The following APTX variants were observed in gnomAD, a reference collection of about 807,000 sequenced individuals.
The protein encoded by APTX is aprataxin, also known as forkhead-associated domain histidine triad-like protein.
A neutral mutation model predicts 42.3 loss-of-function variants in APTX; 33 were observed. The observed-to-expected ratio is 0.78, with a 90% CI of 0.59 to 1.04. The LOEUF is 1.04. Among genes scored for constraint, APTX ranks in the 50% least tolerant of loss-of-function variants. APTX has a pLI of 0.00. For synonymous variants in APTX, 130 were observed against 146.7 expected (o/e 0.89, Z 0.82); for missense variants, 421 against 415.1 (o/e 1.01, Z -0.12).
intron 1 of APTX, among the ~76,000 whole-genome samples, chr9:33,014,400 G>A (rs1002511685): frequency 6.6e-6 from 1 of 152,248 alleles, no homozygotes; most frequent in Non-Finnish European, 1.5e-5. Flanking sequence ...GTAGGTGGTA[G>A]AAAATGGCAG....
intron 1 of APTX, 183 bp downstream of exon 1, chr9:33,001,384 G>A: frequency 6.5e-7 from 1 of 1,531,966 alleles, no homozygotes; most frequent in Non-Finnish European, 8.7e-7. Context: ...AGACCAACGC[G>A]AGCGCCCGCT....
upstream of APTX, among the ~76,000 whole-genome samples, chr9:33,005,337 A>G (rs905158970): frequency 1.3e-5 from 2 of 151,472 alleles, no homozygotes; most frequent in African/African-American, 4.8e-5. Flanking sequence ...TCTGTCATGA[A>G]ACTTTTCCCT....
intron 4 of APTX, 107 bp downstream of exon 4, chr9:32,987,437 G>T: frequency 7.1e-7 from 1 of 1,417,920 alleles, no homozygotes; most frequent in Non-Finnish European, 9.9e-7. Context: ...TTTCATCATG[G>T]TTAATAACCC....
chr9:32,973,704 G>C, intron 7 of APTX, 52 bp from the exon 8 acceptor site: 1 of 1,488,706 alleles, frequency 6.7e-7, no homozygotes, highest in Non-Finnish European at 9.0e-7. Context: ...AAACCAATAT[G>C]AGATACCAAA....
chr9:33,019,884 G>C, intron 1 of APTX: 1 of 602,440 alleles, frequency 1.7e-6, no homozygotes, highest in Non-Finnish European at 3.0e-6. Context: ...TCGGCATCTG[G>C]AGCCAGGGAC....
chr9:33,022,349 C>G (rs1002539824), intron 1 of APTX, among the ~76,000 whole-genome samples: 3 of 152,160 alleles, frequency 2.0e-5, no homozygotes, highest in African/African-American at 7.2e-5. Context: ...AAACTCGAAA[C>G]AATAAGATAT....
intron 6 of APTX, among the ~76,000 whole-genome samples, chr9:32,984,072 T>G (rs1342014702): frequency 1.3e-5 from 2 of 152,260 alleles, no homozygotes; most frequent in Admixed American, 6.5e-5. Flanking sequence ...CTTATCATCT[T>G]ATTGCTTAAA....
At chr9:32,998,541 T>TA (rs1563986875) in intron 1 of APTX, among the ~76,000 whole-genome samples, 1 of 151,956 alleles carries the variant, frequency 6.6e-6, no homozygotes, top group African/African-American at 2.4e-5. Flanking sequence ...TATACAGCCA[T>TA]AAAAAAGAAT....
chr9:32,996,670 T>G (rs1231827414), intron 1 of APTX, among the ~76,000 whole-genome samples: 2 of 152,242 alleles, frequency 1.3e-5, no homozygotes, highest in African/African-American at 4.8e-5. Context: ...TTCATTGAGC[T>G]GTCTTCTCTT....
At chr9:33,015,351 G>A (rs955628019) in intron 1 of APTX, among the ~76,000 whole-genome samples, 1 of 152,096 alleles carries the variant, frequency 6.6e-6, no homozygotes, top group Non-Finnish European at 1.5e-5. Context: ...GTCATTGCCT[G>A]AGTTGTATTT....
intron 1 of APTX, among the ~76,000 whole-genome samples, chr9:32,998,494 G>C (rs1706975411): frequency 6.6e-6 from 1 of 152,072 alleles, no homozygotes. Flanking sequence ...TGATAGACTG[G>C]ATAAAGAAAA....
intron 6 of APTX, among the ~76,000 whole-genome samples, chr9:32,975,532 T>C (rs1829175650): frequency 6.6e-6 from 1 of 152,010 alleles, no homozygotes; most frequent in African/African-American, 2.4e-5. Context: ...TGAAACTAAC[T>C]ACTAAAAATA....
At chr9:32,973,674 C>G (rs1360072550) in intron 7 of APTX, 22 bp from the exon 8 acceptor site, 3 of 1,568,590 alleles carry the variant, frequency 1.9e-6, no homozygotes, top group Non-Finnish European at 2.6e-6. Flanking sequence ...GAAGAAAAGT[C>G]AAATCCCAGC....
At chr9:33,008,687 G>T (rs1837330475) in intron 1 of APTX, among the ~76,000 whole-genome samples, 1 of 152,118 alleles carries the variant, frequency 6.6e-6, no homozygotes, top group Non-Finnish European at 1.5e-5. Context: ...CAGTAGCTGG[G>T]ATTACAGGCA....
At chr9:33,013,050 T>C (rs545461958) in intron 1 of APTX, among the ~76,000 whole-genome samples, 1 of 152,336 alleles carries the variant, frequency 6.6e-6, no homozygotes, top group South Asian at 2.1e-4. Context: ...CCCTGACATA[T>C]AGTAGGTACT....
chr9:33,007,448 A>G (rs10971303), intron 1 of APTX, among the ~76,000 whole-genome samples: 10,735 of 152,302 alleles, frequency 0.07, 513 homozygotes, highest in Non-Finnish European at 0.11. Flanking sequence ...GAAAGCAGTT[A>G]GCAGTTTACT....
intron 6 of APTX, among the ~76,000 whole-genome samples, chr9:32,975,560 G>T (rs369394280): frequency 1.3e-5 from 2 of 152,102 alleles, no homozygotes; most frequent in African/African-American, 4.8e-5. Flanking sequence ...CTAACTGGGC[G>T]TGGTGGCAGG....
intron 1 of APTX, among the ~76,000 whole-genome samples, chr9:33,008,229 A>G (rs1395846932): frequency 2.0e-5 from 3 of 150,936 alleles, no homozygotes; most frequent in African/African-American, 7.3e-5. Flanking sequence ...CTTTATAATT[A>G]TATATAATAA....
At chr9:32,974,665 CTCTTTGAATAT>C in intron 6 of APTX, 104 bp from the exon 7 acceptor site, 1 of 703,996 alleles carries the variant, frequency 1.4e-6, no homozygotes, top group Non-Finnish European at 2.6e-6. Flanking sequence ...CTATTGAATA[CTCTTTGAATAT>C]TCATACTATT....
Sources: allele counts gnomAD v4.1 joint callset (sites outside exome capture counted in the v4.1 genomes callset), GRCh38; gene constraint gnomAD v4.1.1; transcripts MANE v1.5; gene names NCBI Gene and HGNC (gene_info 2026-07-23, HGNC 2026-07-21).